CDKAL1: variants seen among roughly 807,000 people sequenced by gnomAD.
CDKAL1 encodes threonylcarbamoyladenosine tRNA methylthiotransferase.
CDKAL1 carries 32 observed loss-of-function variants against 68.2 expected under a neutral mutation model. The ratio of observed to expected loss-of-function variants is 0.47; its 90% confidence interval spans 0.35 to 0.63. The LOEUF is 0.63. Ranked by LOEUF, CDKAL1 falls within the 30% of genes least tolerant of loss-of-function variation. The probability of loss-of-function intolerance (pLI) is 0.00; values close to 1 mark genes in which losing one functional copy is unlikely to be tolerated. For missense variants in CDKAL1, 606 were observed against 696.7 expected (o/e 0.87, Z 1.47); for synonymous variants, 234 against 244.3 (o/e 0.96, Z 0.39).
chr6:20,708,805 T>A (rs1335469807), intron 5 of CDKAL1, among the ~76,000 whole-genome samples: 1 of 152,170 alleles, frequency 6.6e-6, no homozygotes, highest in Non-Finnish European at 1.5e-5. Flanking sequence ...CAATTTCTGG[T>A]CTGGTTTCTT....
intron 13 of CDKAL1, among the ~76,000 whole-genome samples, chr6:21,149,438 G>T (rs1776310678): frequency 1.3e-5 from 2 of 151,788 alleles, no homozygotes; most frequent in African/African-American, 4.8e-5. Flanking sequence ...GAACCACCAC[G>T]CCTGGCCCCA....
chr6:20,790,247 G>T, intron 8 of CDKAL1, among the ~76,000 whole-genome samples: 1 of 152,108 alleles, frequency 6.6e-6, no homozygotes, highest in East Asian at 1.9e-4. Context: ...ATTGTATGAC[G>T]GATTGTTTAG....
chr6:20,929,102 T>C (rs1343814081), intron 9 of CDKAL1, among the ~76,000 whole-genome samples: 1 of 152,150 alleles, frequency 6.6e-6, no homozygotes, highest in Non-Finnish European at 1.5e-5. Context: ...CTTTCCTTCT[T>C]CCAGGAATTG....
intron 4 of CDKAL1, among the ~76,000 whole-genome samples, chr6:20,581,987 T>C (rs1765159720): frequency 6.6e-6 from 1 of 152,192 alleles, no homozygotes; most frequent in Non-Finnish European, 1.5e-5. Flanking sequence ...ATGTATAAGT[T>C]GTATAGATAA....
intron 9 of CDKAL1, among the ~76,000 whole-genome samples, chr6:20,876,409 T>A (rs1760517486): frequency 6.6e-6 from 1 of 152,142 alleles, no homozygotes; most frequent in Non-Finnish European, 1.5e-5. Flanking sequence ...TACTGTTGAG[T>A]GTGGAGTCAG....
intron 13 of CDKAL1, among the ~76,000 whole-genome samples, chr6:21,124,970 A>G (rs1027844802): frequency 2.0e-5 from 3 of 151,402 alleles, no homozygotes; most frequent in Non-Finnish European, 4.4e-5. Context: ...TGCTTTCCCC[A>G]GTATGCTACA....
At chr6:21,038,591 G>A (rs1354561089) in intron 11 of CDKAL1, among the ~76,000 whole-genome samples, 7 of 152,118 alleles carry the variant, frequency 4.6e-5, no homozygotes, top group Non-Finnish European at 1.5e-5. Flanking sequence ...ACTTATCATA[G>A]CAAGCTTGTC....
At chr6:20,595,920 A>C (rs192988557) in intron 4 of CDKAL1, among the ~76,000 whole-genome samples, 2 of 152,278 alleles carry the variant, frequency 1.3e-5, no homozygotes, top group East Asian at 3.9e-4. Flanking sequence ...TCCTTCTAAC[A>C]GTCAGGACCC....
rs574718891 is a variant in CDKAL1 at position 20,929,820 on chromosome 6, G to T, written c.743-25599G>T. Among the ~76,000 whole-genome samples the T allele has an allele frequency of 2.6e-5, 4 of 152,208 alleles. No individual in the cohort carries two copies. The South Asian group carries it at 8.3e-4, about 32-fold the overall frequency. On this transcript the variant is annotated intron_variant, in intron 9 of 15. Coordinates refer to ENST00000274695, the MANE Select transcript of CDKAL1 (RefSeq NM_017774.3). ...TTCCCATCAGCTGAGGGCTGACTCAGTCAACATCTTCTCCCCATCCTGGAC... is the reference window on the plus strand; with the variant it reads ...TTCCCATCAGCTGAGGGCTGACTCATTCAACATCTTCTCCCCATCCTGGAC...
intron 6 of CDKAL1, among the ~76,000 whole-genome samples, chr6:20,748,512 A>ACTCCAG (rs1285714413): frequency 8.0e-6 from 1 of 124,248 alleles, no homozygotes; most frequent in Non-Finnish European, 1.6e-5. Context: ...GTGCCACTGC[A>ACTCCAG]CTCCAGCTCC....
intron 4 of CDKAL1, among the ~76,000 whole-genome samples, chr6:20,626,142 G>A (rs1767422622): frequency 6.6e-6 from 1 of 152,092 alleles, no homozygotes; most frequent in Non-Finnish European, 1.5e-5. Context: ...CTGAGTTAGA[G>A]TTAGTCTCAT....
At position 20,843,287 on chromosome 6, in the gene CDKAL1, A is replaced by C. The variant is rs982045402; in HGVS notation, c.639-2788A>C. Among the ~76,000 whole-genome samples the C allele has an allele frequency of 2.0e-5, 3 of 151,782 alleles. No homozygotes were observed. The South Asian group carries it at 6.3e-4, about 32-fold the overall frequency. On this transcript the variant is annotated intron_variant, in intron 8 of 15. Transcript: ENST00000274695. ...CATGTATCAATTCATTTATGTTATA[A>C]ATTTTAAAATATGTTTCTTTTCTCT... is the stretch of plus-strand genomic sequence containing the variant.
intron 4 of CDKAL1, among the ~76,000 whole-genome samples, chr6:20,642,483 A>AC (rs1768224979): frequency 6.6e-6 from 1 of 151,136 alleles, no homozygotes; most frequent in Non-Finnish European, 1.5e-5. Flanking sequence ...AACAGAAAAA[A>AC]AAAAAAAAAA....
rs200084810 is a variant in CDKAL1 at position 21,195,481 on chromosome 6, A to T, written c.1300-2540A>T. On this transcript the variant is annotated intron_variant, in intron 13 of 15. Coordinates refer to ENST00000274695, the MANE Select transcript of CDKAL1 (RefSeq NM_017774.3). Reference sequence around the variant, plus strand: ...CCTGGCCTCTGGAGATGTTTTTTTTATTTATTTATTTATTTATTTATTTAT... The same window carrying T: ...CCTGGCCTCTGGAGATGTTTTTTTTTTTTATTTATTTATTTATTTATTTAT... Among the ~76,000 whole-genome samples, 116 of 63,372 alleles carry T rather than the reference A, an allele frequency of 1.8e-3. 2 individuals are homozygous for T. The highest frequency in any genetic ancestry group is 0.015 in the Middle Eastern group (2 of 130). 41.6% of individuals were successfully genotyped at this position (63,372 alleles called of 152,430 possible).
rs1282382377 is a variant in CDKAL1, at chr6:20,980,221, A to ATATAGC, written c.910-20001_910-20000insCTATAG. On this transcript the variant is annotated intron_variant, in intron 10 of 15. Transcript: ENST00000274695. The stretch of plus-strand genomic sequence containing the variant: ...GATATAGATATAGATATAGATATAG[A>ATATAGC]TATAGATATAGATATATAGATATAG... Among the ~76,000 whole-genome samples the ATATAGC allele has an allele frequency of 2.5e-4, 38 of 149,020 alleles. 1 individual carries two copies. Among genetic ancestry groups the ATATAGC allele is most frequent in the African/African-American group, 9.1e-4 (37 of 40,688 alleles).
intron 8 of CDKAL1, among the ~76,000 whole-genome samples, chr6:20,782,176 C>G (rs1775459764): frequency 6.6e-6 from 1 of 152,120 alleles, no homozygotes; most frequent in Non-Finnish European, 1.5e-5. Flanking sequence ...TTTCTGTAGT[C>G]TCACCACTTT....
chr6:20,581,535 T>G (rs558060749), intron 4 of CDKAL1, among the ~76,000 whole-genome samples: 1 of 152,334 alleles, frequency 6.6e-6, no homozygotes, highest in Admixed American at 6.5e-5. Flanking sequence ...TAAATTTTTA[T>G]TTTATCACAA....
intron 12 of CDKAL1, among the ~76,000 whole-genome samples, chr6:21,102,477 G>T (rs1247300671): frequency 6.6e-6 from 1 of 152,100 alleles, no homozygotes; most frequent in African/African-American, 2.4e-5. Flanking sequence ...CCTGACTTCA[G>T]TGTCCCTTAT....
chr6:20,639,007 G>A (rs1438936707), intron 4 of CDKAL1, among the ~76,000 whole-genome samples: 1 of 152,112 alleles, frequency 6.6e-6, no homozygotes, highest in African/African-American at 2.4e-5. Flanking sequence ...TTTGGAATGA[G>A]GATGGGGAAT....
Sources: gnomAD v4.1 joint callset for allele counts (sites outside exome capture counted in the v4.1 genomes callset) on GRCh38, gnomAD v4.1.1 for gene constraint, MANE v1.5 for transcripts, NCBI Gene and HGNC (gene_info 2026-07-23, HGNC 2026-07-21) for gene names.